ACADL: variants seen among roughly 807,000 people sequenced by gnomAD.
The protein encoded by ACADL is long-chain specific acyl-CoA dehydrogenase, mitochondrial.
A neutral mutation model predicts 56.9 loss-of-function variants in ACADL; 60 were observed. The observed-to-expected ratio is 1.05, with a 90% CI of 0.86 to 1.31. The LOEUF (loss-of-function observed/expected upper bound fraction) is 1.31. Among genes scored for constraint, ACADL ranks in the 50% most tolerant of loss-of-function variants. The probability of loss-of-function intolerance (pLI) is 0.00; values close to 1 mark genes in which losing one functional copy is unlikely to be tolerated. For synonymous variants in ACADL, 158 were observed against 179.7 expected, an observed-to-expected ratio of 0.88 and a Z score of 0.97; for missense variants, 484 against 525.5, an observed-to-expected ratio of 0.92 and a Z score of 0.77.
intron 8 of ACADL, among the ~76,000 whole-genome samples, chr2:210,202,405 G>A (rs1449517722): frequency 6.6e-6 from 1 of 152,064 alleles, no homozygotes. Context: ...GTTATTTAAA[G>A]AAATAGAAGT....
At chr2:210,194,974 T>A (rs1688684516) in intron 9 of ACADL, among the ~76,000 whole-genome samples, 1 of 152,230 alleles carries the variant, frequency 6.6e-6, no homozygotes, top group Non-Finnish European at 1.5e-5. Context: ...AAGAATTAAA[T>A]ACTAACTTTG....
At chr2:210,218,488 T>C (rs1297293677) in intron 2 of ACADL, 1 of 228,536 alleles carries the variant, frequency 4.4e-6, no homozygotes, top group Non-Finnish European at 8.6e-6. Flanking sequence ...GGTCTTATTA[T>C]GTTGCCCATG....
intron 8 of ACADL, 122 bp from the exon 9 acceptor site, chr2:210,195,460 G>A: frequency 1.9e-6 from 2 of 1,078,242 alleles, no homozygotes; most frequent in South Asian, 1.4e-5. Flanking sequence ...TGGAATTGTT[G>A]GTTTTTTCCT....
At chr2:210,211,423 G>A (rs990539851) in intron 4 of ACADL, among the ~76,000 whole-genome samples, 1 of 152,138 alleles carries the variant, frequency 6.6e-6, no homozygotes, top group African/African-American at 2.4e-5. Flanking sequence ...GATATGGTTT[G>A]GCTCTGTGTC....
chr2:210,212,305 C>T (rs1161079087), intron 4 of ACADL, among the ~76,000 whole-genome samples: 1 of 151,712 alleles, frequency 6.6e-6, no homozygotes, highest in African/African-American at 2.4e-5. Context: ...CTGGATGAGC[C>T]CTAAATGCAA....
intron 8 of ACADL, among the ~76,000 whole-genome samples, chr2:210,195,964 C>T (rs1209533844): frequency 6.6e-6 from 1 of 152,138 alleles, no homozygotes; most frequent in East Asian, 1.9e-4. Context: ...ATTATCCCTT[C>T]TGATATGGTT....
intron 5 of ACADL, among the ~76,000 whole-genome samples, chr2:210,209,067 T>C (rs1030145995): frequency 6.6e-6 from 1 of 152,242 alleles, no homozygotes; most frequent in African/African-American, 2.4e-5. Context: ...GTTAACTGAT[T>C]ATATGTTGGA....
At chr2:210,195,937 C>T (rs540610154) in intron 8 of ACADL, among the ~76,000 whole-genome samples, 1 of 152,230 alleles carries the variant, frequency 6.6e-6, no homozygotes, top group African/African-American at 2.4e-5. Context: ...TACCCTCATC[C>T]TCTTTCATCC....
At chr2:210,199,162 G>T (rs753739536) in intron 8 of ACADL, among the ~76,000 whole-genome samples, 1 of 152,060 alleles carries the variant, frequency 6.6e-6, no homozygotes, top group African/African-American at 2.4e-5. Flanking sequence ...TGAATACAAG[G>T]TATAGGTATG....
chr2:210,211,727 T>G (rs923970343), intron 4 of ACADL, among the ~76,000 whole-genome samples: 16 of 152,230 alleles, frequency 1.1e-4, no homozygotes, highest in African/African-American at 3.6e-4. Flanking sequence ...GTGAACCACT[T>G]AAACCTCTTT....
chr2:210,192,952 C>A, intron 9 of ACADL, 62 bp from the exon 10 acceptor site: 1 of 1,287,460 alleles, frequency 7.8e-7, no homozygotes, highest in African/African-American at 1.5e-5. Context: ...TGAGGTGCTT[C>A]AAAACCAGAA....
At chr2:210,223,772 AT>A (rs1045503176) in intron 1 of ACADL, among the ~76,000 whole-genome samples, 38 of 152,168 alleles carry the variant, frequency 2.5e-4, no homozygotes, top group African/African-American at 8.9e-4. Context: ...AGGAAAAGTT[AT>A]TTTTCATAAA....
At chr2:210,205,152 G>A (rs1365481393) in intron 6 of ACADL, among the ~76,000 whole-genome samples, 3 of 151,620 alleles carry the variant, frequency 2.0e-5, no homozygotes, top group East Asian at 1.9e-4. Flanking sequence ...TCAGCCTCCC[G>A]AGTAGCTGAG....
At chr2:210,223,980 C>A (rs925412172) in intron 1 of ACADL, among the ~76,000 whole-genome samples, 3 of 151,972 alleles carry the variant, frequency 2.0e-5, no homozygotes, top group Non-Finnish European at 4.4e-5. Context: ...TTTGAGGCAG[C>A]ACTTTGGGAG....
At chr2:210,214,529 G>GAAAGAAAGAAAT (rs1559640017) in intron 4 of ACADL, among the ~76,000 whole-genome samples, 1 of 138,200 alleles carries the variant, frequency 7.2e-6, no homozygotes, top group African/African-American at 2.7e-5. Flanking sequence ...AAGAAAGAAA[G>GAAAGAAAGAAAT]AAATCTGCTT....
In ACADL at chr2:210,199,875, G is replaced by A. The variant is rs148890762; in HGVS notation, c.984+3456C>T. On this transcript the variant is annotated intron_variant, in intron 8 of 10. Transcript: ENST00000233710. Reference sequence around the variant, plus strand: ...TCCTCCCACCTTAGCCTCTTGAGTAGCTGAGACTACAGACACACACCACCA... The same window carrying A: ...TCCTCCCACCTTAGCCTCTTGAGTAACTGAGACTACAGACACACACCACCA... 6.6e-3 allele frequency among the ~76,000 whole-genome samples: 1,007 copies of A among 152,142 alleles called. 5 individuals are homozygous for A. The highest frequency in any genetic ancestry group is 0.015 in the African/African-American group (606 of 41,512).
intron 8 of ACADL, among the ~76,000 whole-genome samples, chr2:210,197,356 T>G (rs1688727026): frequency 6.6e-6 from 1 of 152,166 alleles, no homozygotes; most frequent in Admixed American, 6.6e-5. Flanking sequence ...CCCCGCTTAT[T>G]GTTTCCCTTA....
chr2:210,224,800 C>T (rs1689239408), intron 1 of ACADL: 1 of 999,268 alleles, frequency 1.0e-6, no homozygotes, highest in South Asian at 4.6e-5. Flanking sequence ...AGATCGCAGC[C>T]CGCGCTCCTG....
At chr2:210,198,244 C>T (rs1003235218) in intron 8 of ACADL, among the ~76,000 whole-genome samples, 131 of 151,876 alleles carry the variant, frequency 8.6e-4, no homozygotes, top group Non-Finnish European at 2.9e-5. Context: ...TGGAGAACAC[C>T]TTGGAGAGGT....
Sources: gnomAD v4.1 joint callset for allele counts (sites outside exome capture counted in the v4.1 genomes callset) on GRCh38, gnomAD v4.1.1 for gene constraint, MANE v1.5 for transcripts, NCBI Gene and HGNC (gene_info 2026-07-23, HGNC 2026-07-21) for gene names.